ZNF780A: variants seen among roughly 807,000 people sequenced by gnomAD.
ZNF780A encodes the protein zinc finger protein 780A.
In ZNF780A, 40 loss-of-function variants were observed where a neutral mutation model predicts 56.7. That is an observed-to-expected ratio of 0.71 (90% confidence interval 0.55 to 0.92). The LOEUF (loss-of-function observed/expected upper bound fraction) is 0.92, where lower values mean the gene tolerates loss of function less well. Among genes scored for constraint, ZNF780A ranks in the 40% least tolerant of loss-of-function variants. The pLI, the probability that ZNF780A is intolerant of heterozygous loss-of-function variation, is 0.00. For missense variants in ZNF780A, 672 were observed against 783.3 expected (o/e 0.86, Z 1.70); for synonymous variants, 231 against 248.3 (o/e 0.93, Z 0.66).
chr19:40,073,155 A>G lies in ZNF780A; in HGVS notation c.*1361T>C, dbSNP rs1035920444. The G allele has an allele frequency of 1.9e-6, 2 of 1,076,600 alleles. No homozygotes were observed. The highest frequency in any genetic ancestry group is 1.7e-5 in the African/African-American group (1 of 60,518). 66.7% of individuals were successfully genotyped at this position (1,076,600 alleles called of 1,614,324 possible). On this transcript the variant is annotated 3_prime_UTR_variant, in exon 6 of 6. Coordinates refer to ENST00000683561, the MANE Select transcript of ZNF780A (RefSeq NM_001142578.2). ...TTATTCTCAATGGTACAACAAATAT[A>G]CAAAAAATAAACGTGCAAATTGTTA...
intron 5 of ZNF780A, among the ~76,000 whole-genome samples, chr19:40,080,004 A>G (rs547438272): frequency 6.5e-4 from 99 of 152,226 alleles, no homozygotes; most frequent in Non-Finnish European, 1.2e-3. Flanking sequence ...AAATTAATAA[A>G]CCACTAGCTA....
At position 40,088,377 on chromosome 19, in the gene ZNF780A, A is replaced by T. The variant is rs373463817; in HGVS notation, c.-46+1789T>A. Among the ~76,000 whole-genome samples, 115 of 152,360 alleles carry T rather than the reference A, an allele frequency of 7.5e-4. 4 individuals carry two copies. The South Asian group carries it at 0.023, about 31-fold the overall frequency. On this transcript the variant is annotated intron_variant, in intron 2 of 5. Coordinates refer to ENST00000683561, the MANE Select transcript of ZNF780A (RefSeq NM_001142578.2). ...CTGAACAGGCACATCCCAAAAGAAG[A>T]CATATAAATGGCCAACAGTTTATGA...
chr19:40,075,376 T>G lies in ZNF780A; in HGVS notation c.1066A>C (p.Thr356Pro). Residue 356 changes from threonine to proline, a missense_variant, in exon 6 of 6, where the codon ACT becomes CCT. Physicochemically the swap from Thr to Pro is conservative, Grantham distance 38. Transcript: ENST00000683561. The stretch of plus-strand genomic sequence containing the variant: ...CTGCATTCAAAGGGTTTCTCACCAG[T>G]ATGAATCTTCTGATGTCGAACAAGC... ...TKLVRHQKIH[T>P]GEKPFECREC... The G allele has an allele frequency of 6.2e-7, 1 of 1,614,076 alleles. No homozygotes were observed. The highest frequency in any genetic ancestry group is 8.5e-7 in the Non-Finnish European group (1 of 1,180,020).
intron 2 of ZNF780A, among the ~76,000 whole-genome samples, chr19:40,089,617 TACACAC>T (rs5828058): frequency 2.6e-4 from 38 of 148,010 alleles, no homozygotes; most frequent in African/African-American, 8.4e-4. Flanking sequence ...CCTCTCACAG[TACACAC>T]ACACACACAC....
At chr19:40,078,995 A>G (rs766182604) in intron 5 of ZNF780A, among the ~76,000 whole-genome samples, 1 of 152,242 alleles carries the variant, frequency 6.6e-6, no homozygotes, top group Non-Finnish European at 1.5e-5. Flanking sequence ...CTCACATATC[A>G]GTAATCACAT....
rs1479672995 is a variant in ZNF780A at position 40,074,346 on chromosome 19, A to G, written c.*170T>C. The G allele has an allele frequency of 2.6e-6, 4 of 1,526,924 alleles. No homozygotes were observed. Among genetic ancestry groups the G allele is most frequent in the South Asian group, 1.3e-5 (1 of 74,394 alleles). The allele number at this position is 1,526,924 out of a possible 1,614,324, so 94.6% of individuals were successfully genotyped here. A position where few individuals can be genotyped will look rare whatever the true frequency, so the allele number is the denominator to read the frequency against. The stretch of plus-strand genomic sequence containing the variant: ...CTAAAGGTCGTCCTCCACTCCTTGC[A>G]TACAAAGAGTTTCTCACTGGAATGA... On this transcript the variant is annotated 3_prime_UTR_variant, in exon 6 of 6. Transcript: ENST00000683561.
chr19:40,074,166 C>T lies in ZNF780A; in HGVS notation c.*350G>A. The T allele has an allele frequency of 2.2e-6, 3 of 1,380,778 alleles. No homozygotes were observed. The highest frequency in any genetic ancestry group is 2.9e-6 in the Non-Finnish European group (3 of 1,051,992). 85.5% of individuals were successfully genotyped at this position (1,380,778 alleles called of 1,614,324 possible). On this transcript the variant is annotated 3_prime_UTR_variant, in exon 6 of 6. Transcript: ENST00000683561. ...GTTTGAGCCACTATTGAAGGCCTTC[C>T]CACATTTCTCAAATTCAAATGGCTT... is the stretch of plus-strand genomic sequence containing the variant.
chr19:40,072,763 G>A (rs1200804592), downstream of ZNF780A: 2 of 1,322,900 alleles, frequency 1.5e-6, no homozygotes, highest in African/African-American at 1.5e-5. Context: ...AAAAAACATA[G>A]AGGCCCAGAA....
In ZNF780A at chr19:40,081,897, G is replaced by A; in HGVS notation, c.154C>T (p.Pro52Ser). 6.2e-7 allele frequency: 1 copy of A among 1,602,232 alleles called. No homozygotes were observed. The highest frequency in any genetic ancestry group is 8.5e-7 in the Non-Finnish European group (1 of 1,173,686). ...LISLGSSISKPDVITLLEQEK... is the reference protein window; with the variant it reads ...LISLGSSISKSDVITLLEQEK... ...TGCTCTAGTAACGTAATTACATCTGGTTTAGAAATGGAACTTCCTGCTTAA... is the reference window on the plus strand; with the variant it reads ...TGCTCTAGTAACGTAATTACATCTGATTTAGAAATGGAACTTCCTGCTTAA... Residue 52 changes from proline to serine, a missense_variant, in exon 5 of 6, where the codon CCA (proline) becomes TCA (serine). Physicochemically the swap from Pro to Ser is moderately conservative, Grantham distance 74. Transcript: ENST00000683561.
intron 5 of ZNF780A, 138 bp downstream of exon 5, chr19:40,081,681 G>A: frequency 1.5e-6 from 1 of 656,326 alleles, no homozygotes; most frequent in Non-Finnish European, 2.7e-6. Context: ...TTCCTTCCCA[G>A]GTCTTGGGCA....
At chr19:40,079,617 C>T (rs1339193216) in intron 5 of ZNF780A, among the ~76,000 whole-genome samples, 2 of 151,980 alleles carry the variant, frequency 1.3e-5, no homozygotes, top group African/African-American at 4.8e-5. Flanking sequence ...TTCTTCAAAA[C>T]CAAAATTATA....
chr19:40,089,224 T>G (rs1009374896), intron 2 of ZNF780A: 10 of 1,396,966 alleles, frequency 7.2e-6, no homozygotes, highest in African/African-American at 1.4e-5. Context: ...GCATTGTTAA[T>G]TAGCTAGATT....
rs117449696 is a variant in ZNF780A at position 40,077,908 on chromosome 19, T to A, written c.233-1699A>T. 6.7e-3 allele frequency among the ~76,000 whole-genome samples: 1,005 copies of A among 149,518 alleles called. 5 individuals carry two copies. Among genetic ancestry groups the A allele is most frequent in the Non-Finnish European group, 0.012 (790 of 67,488 alleles). ...AAAAAAAAAAAAAAGAGAAGGAAAC[T>A]TGACATCTCCACAGGAACATAATAA... On this transcript the variant is annotated intron_variant, in intron 5 of 5. Transcript: ENST00000683561.
At chr19:40,089,449 T>C in intron 2 of ZNF780A, 3 of 544,878 alleles carry the variant, frequency 5.5e-6, no homozygotes, top group Non-Finnish European at 8.8e-6. Flanking sequence ...TTAAAATGAC[T>C]ACACAAAAAA....
chr19:40,072,653 C>CAAAAAAAA (rs200980070), downstream of ZNF780A: 2 of 524,398 alleles, frequency 3.8e-6, no homozygotes, highest in African/African-American at 5.3e-5. Context: ...CTTGCAACTG[C>CAAAAAAAA]AAAAAAAAAA....
chr19:40,076,496 T>C (rs1974142816), intron 5 of ZNF780A, among the ~76,000 whole-genome samples: 1 of 152,248 alleles, frequency 6.6e-6, no homozygotes, highest in Non-Finnish European at 1.5e-5. Context: ...CATATTGATA[T>C]GTTCTATAGG....
At chr19:40,083,304 A>G (rs1343937766) in intron 3 of ZNF780A, 67 bp from the exon 4 acceptor site, 12 of 1,599,884 alleles carry the variant, frequency 7.5e-6, no homozygotes, top group Admixed American at 1.7e-5. Flanking sequence ...AAGGAGAGGA[A>G]GTGAAGGAGT....
intron 2 of ZNF780A, chr19:40,089,156 G>T: frequency 9.0e-7 from 1 of 1,111,596 alleles, no homozygotes; most frequent in African/African-American, 1.6e-5. Flanking sequence ...CTTGAAAAAT[G>T]CTAGGAGGGT....
chr19:40,081,476 T>C (rs1336645398), intron 5 of ZNF780A, among the ~76,000 whole-genome samples: 1 of 149,452 alleles, frequency 6.7e-6, no homozygotes, highest in Non-Finnish European at 1.5e-5. Flanking sequence ...GAGGTTGCAG[T>C]GAGCCAAGAT....
Sources: gnomAD v4.1 joint callset for allele counts (sites outside exome capture counted in the v4.1 genomes callset) on GRCh38, gnomAD v4.1.1 for gene constraint, MANE v1.5 for transcripts, NCBI Gene and HGNC (gene_info 2026-07-23, HGNC 2026-07-21) for gene names.